The following CHD1 variants were observed in gnomAD, a reference collection of about 807,000 sequenced individuals.
CHD1 encodes the protein ATP-dependent chromatin remodeler CHD1.
In CHD1, 36 loss-of-function variants were observed where a neutral mutation model predicts 224.2. That is an observed-to-expected ratio of 0.16 (90% CI 0.12 to 0.21). The LOEUF (loss-of-function observed/expected upper bound fraction) is 0.21, where lower values mean the gene tolerates loss of function less well. Ranked by LOEUF, CHD1 falls within the 10% of genes least tolerant of loss-of-function variation. The pLI, the probability that CHD1 is intolerant of heterozygous loss-of-function variation, is 1.00. For synonymous variants in CHD1, 668 were observed against 658.3 expected, an observed-to-expected ratio of 1.01 and a Z score of -0.23; for missense variants, 1,378 against 1,994.8, an observed-to-expected ratio of 0.69 and a Z score of 5.89.
At chr5:98,903,431 GTTA>G (rs751234888) in intron 4 of CHD1, among the ~76,000 whole-genome samples, 5 of 150,824 alleles carry the variant, frequency 3.3e-5, no homozygotes, top group Middle Eastern at 3.4e-3. Context: ...TGAGATTTCT[GTTA>G]TTATTTCGTA....
intron 31 of CHD1, among the ~76,000 whole-genome samples, chr5:98,866,456 G>A (rs908718253): frequency 6.6e-6 from 1 of 152,070 alleles, no homozygotes; most frequent in African/African-American, 2.4e-5. Flanking sequence ...GTCTAGTCAC[G>A]GTGCAAAAGA....
At chr5:98,893,307 G>T in intron 14 of CHD1, 109 bp downstream of exon 14, 8 of 635,632 alleles carry the variant, frequency 1.3e-5, no homozygotes, top group Non-Finnish European at 1.8e-5. Context: ...AGTAATCTGT[G>T]ATCTAATCTT....
In CHD1 at chr5:98,877,623, G is replaced by A. The variant is rs554891516; in HGVS notation, c.3238-1065C>T. ...TTTCCAAAGCCTTGGCACATATTCC[G>A]AACCTCTAATATGCTGAAAGTTAAA... On this transcript the variant is annotated intron_variant, in intron 23 of 35. Transcript: ENST00000614616. Among the ~76,000 whole-genome samples the A allele has an allele frequency of 2.0e-4, 30 of 152,208 alleles. No individual in the cohort carries two copies. In the East Asian group the frequency reaches 5.0e-3, roughly 25 times the overall value.
rs773347698 is a variant in CHD1 at position 98,893,495 on chromosome 5, G to A, written c.1912C>T (p.Arg638Cys). ...KTLIDFKSNH[R>C]LLITGTPLQN... is the part of the protein sequence containing the mutation. ...AGAGGAGTTCCAGTGATAAGGAGAC[G>A]ATGATTGGATTTAAAATCTATTAAA... is the stretch of plus-strand genomic sequence containing the variant. The change falls in exon 14 of 36, where the codon CGT becomes TGT. Residue 638 changes from arginine (R) to cysteine (C), a missense_variant. Arg to Cys is a radical substitution (Grantham distance 180). Transcript: ENST00000614616. 10 of 1,611,288 alleles carry A rather than the reference G, an allele frequency of 6.2e-6. No homozygotes were observed. The highest frequency in any genetic ancestry group is 1.3e-5 in the African/African-American group (1 of 74,786).
chr5:98,910,264 T>C (rs1752305109), intron 2 of CHD1, among the ~76,000 whole-genome samples: 1 of 152,200 alleles, frequency 6.6e-6, no homozygotes, highest in African/African-American at 2.4e-5. Context: ...TTGCTTTATT[T>C]CAATTTTAAT....
chr5:98,856,621 T>C lies in CHD1; in HGVS notation c.4892A>G (p.His1631Arg). The C allele has an allele frequency of 6.2e-7, 1 of 1,613,256 alleles. No homozygotes were observed. The highest frequency in any genetic ancestry group is 8.5e-7 in the Non-Finnish European group (1 of 1,179,246). ...GSLKDRSHSD[H>R]RSHSDHRLHS... ...TAACCGATGATCTGAGTGAGAACGA[T>C]GATCAGAATGAGATCTATCTTTTAA... The change falls in exon 36 of 36, where the codon CAT becomes CGT. Residue 1631 changes from histidine to arginine, a missense_variant. His to Arg is a conservative substitution (Grantham distance 29, BLOSUM62 0). This residue lies in a region of CHD1 where 278 missense variants were observed against 298.5 expected (regional missense o/e 0.93). Transcript: ENST00000614616.
At chr5:98,913,456 G>A (rs1752549507) in intron 2 of CHD1, among the ~76,000 whole-genome samples, 2 of 152,138 alleles carry the variant, frequency 1.3e-5, no homozygotes, top group East Asian at 1.9e-4. Context: ...GCCTGGACAA[G>A]AGCCAGACCC....
intron 2 of CHD1, among the ~76,000 whole-genome samples, chr5:98,909,865 C>G (rs1469662096): frequency 2.0e-5 from 3 of 152,096 alleles, no homozygotes; most frequent in African/African-American, 7.2e-5. Flanking sequence ...CTTTTTCCAA[C>G]AGGAAACCCT....
chr5:98,877,832 T>C (rs751226679), intron 23 of CHD1, among the ~76,000 whole-genome samples: 1 of 152,222 alleles, frequency 6.6e-6, no homozygotes, highest in Non-Finnish European at 1.5e-5. Flanking sequence ...TTTTTGGCTC[T>C]ACTTCTGGCT....
At chr5:98,867,857 C>A (rs1395755357) in intron 31 of CHD1, among the ~76,000 whole-genome samples, 3 of 136,034 alleles carry the variant, frequency 2.2e-5, no homozygotes, top group Non-Finnish European at 4.6e-5. Context: ...GGCTGGAGTG[C>A]AATGGTGCAA....
rs780907114 is a variant in CHD1, at chr5:98,928,706, G to C, written c.-316C>G. On this transcript the variant is annotated 5_prime_UTR_variant, in exon 1 of 36. Transcript: ENST00000614616. Reference sequence around the variant, plus strand: ...GACGCGGAGGGGAAGGGGAAGCCCCGGTCCGCAGCACCAACGCGCGATCCC... The same window carrying C: ...GACGCGGAGGGGAAGGGGAAGCCCCCGTCCGCAGCACCAACGCGCGATCCC... 9.1e-5 allele frequency: 14 copies of C among 153,898 alleles called. No individual in the cohort carries two copies. The highest frequency in any genetic ancestry group is 1.7e-4 in the Non-Finnish European group (12 of 69,022). 9.5% of individuals were successfully genotyped at this position (153,898 alleles called of 1,614,324 possible). A position where few individuals can be genotyped will look rare whatever the true frequency, so the allele number is the denominator to read the frequency against.
rs1749527104 is a variant in CHD1 at position 98,873,578 on chromosome 5, TCA to T, written c.3571+13_3571+14del. On this transcript the variant is annotated intron_variant, in intron 26 of 35. Transcript: ENST00000614616. ...CATTTACTTCTCTTTTAAATCACTC[TCA>T]GTTTAATGTTACCTGTTCGTTCTGT... The T allele has an allele frequency of 3.2e-6, 5 of 1,555,852 alleles. No homozygotes were observed. Among genetic ancestry groups the T allele is most frequent in the South Asian group, 1.2e-5 (1 of 81,082 alleles).
intron 17 of CHD1, among the ~76,000 whole-genome samples, chr5:98,886,947 A>G (rs918970463): frequency 2.0e-5 from 3 of 152,112 alleles, no homozygotes; most frequent in Non-Finnish European, 4.4e-5. Flanking sequence ...TTGTTTGACT[A>G]TGTACACAAT....
intron 20 of CHD1, 102 bp downstream of exon 20, chr5:98,881,855 CCAAAATATAAAAAGTACA>C: frequency 1.2e-6 from 1 of 869,318 alleles, no homozygotes; most frequent in Non-Finnish European, 1.7e-6. Context: ...CCAAAGTCTT[CCAAAATATAAAAAGTACA>C]ACTCTGAATA....
intron 15 of CHD1, among the ~76,000 whole-genome samples, chr5:98,890,290 CATACTCTTTTAT>C (rs1213088061): frequency 6.6e-6 from 1 of 152,156 alleles, no homozygotes; most frequent in Non-Finnish European, 1.5e-5. Flanking sequence ...ATCTAGTGTA[CATACTCTTTTAT>C]TACCATTCTT....
chr5:98,914,293 C>A (rs935373101), intron 2 of CHD1, among the ~76,000 whole-genome samples: 1 of 152,190 alleles, frequency 6.6e-6, no homozygotes, highest in African/African-American at 2.4e-5. Flanking sequence ...AAGGTTTGAA[C>A]TCCCTTACCT....
chr5:98,861,574 T>A (rs1048302443), intron 32 of CHD1, among the ~76,000 whole-genome samples: 1 of 151,964 alleles, frequency 6.6e-6, no homozygotes, highest in African/African-American at 2.4e-5. Flanking sequence ...TAAAGCAAAA[T>A]AGCTGCGACC....
At chr5:98,927,041 T>C (rs1240754079) in intron 1 of CHD1, among the ~76,000 whole-genome samples, 1 of 151,346 alleles carries the variant, frequency 6.6e-6, no homozygotes, top group Non-Finnish European at 1.5e-5. Flanking sequence ...AAATAAAAGA[T>C]ACCATATACT....
At chr5:98,901,418 A>C in intron 5 of CHD1, 83 bp from the exon 6 acceptor site, 1 of 1,105,400 alleles carries the variant, frequency 9.0e-7, no homozygotes, top group Non-Finnish European at 1.3e-6. Flanking sequence ...CAAATCAACC[A>C]AACTATATTC....
Sources: gnomAD v4.1 joint callset for allele counts (sites outside exome capture counted in the v4.1 genomes callset) on GRCh38, gnomAD v4.1.1 for gene constraint, gnomAD v4.1.1 regional missense constraint, MANE v1.5 for transcripts, NCBI Gene and HGNC (gene_info 2026-07-23, HGNC 2026-07-21) for gene names.